PTPRN2: variants seen among roughly 807,000 people sequenced by gnomAD.
PTPRN2 encodes the protein protein tyrosine phosphatase receptor type N2.
A neutral mutation model predicts 118.8 loss-of-function variants in PTPRN2; 74 were observed. That is an observed-to-expected ratio of 0.62 (90% confidence interval 0.52 to 0.76). The LOEUF (loss-of-function observed/expected upper bound fraction) is 0.76. Ranked by LOEUF, PTPRN2 falls within the 30% of genes least tolerant of loss-of-function variation. The probability of loss-of-function intolerance (pLI) is 0.00; values close to 1 mark genes in which losing one functional copy is unlikely to be tolerated. For missense variants in PTPRN2, 1,481 were observed against 1,394.4 expected (o/e 1.06, Z -0.99); for synonymous variants, 641 against 608.0 (o/e 1.05, Z -0.80).
At chr7:158,416,761 A>C (rs752417260) in intron 2 of PTPRN2, among the ~76,000 whole-genome samples, 7 of 152,214 alleles carry the variant, frequency 4.6e-5, no homozygotes, top group Non-Finnish European at 1.0e-4. Context: ...GAACCTAAGG[A>C]AGGCAACTCA....
At chr7:158,149,059 ATG>A (rs1820574284) in intron 6 of PTPRN2, among the ~76,000 whole-genome samples, 1 of 124,332 alleles carries the variant, frequency 8.0e-6, no homozygotes, top group South Asian at 2.6e-4. Context: ...ACCCCATCTC[ATG>A]CCACGTGTCA....
At chr7:158,307,361 C>A (rs1219769894) in intron 3 of PTPRN2, among the ~76,000 whole-genome samples, 3 of 151,880 alleles carry the variant, frequency 2.0e-5, no homozygotes, top group African/African-American at 7.3e-5. Context: ...AATCAGCAAA[C>A]TTCAGGATAG....
chr7:157,751,412 T>G (rs1217974143), intron 12 of PTPRN2, among the ~76,000 whole-genome samples: 1 of 152,144 alleles, frequency 6.6e-6, no homozygotes, highest in African/African-American at 2.4e-5. Flanking sequence ...TTAAATTAAA[T>G]GTCAGATGTA....
chr7:157,630,029 C>T (rs184288685), intron 14 of PTPRN2, among the ~76,000 whole-genome samples: 8 of 152,172 alleles, frequency 5.3e-5, no homozygotes, highest in East Asian at 1.9e-4. Flanking sequence ...AATACATGAA[C>T]GGGAAATATT....
chr7:158,198,730 T>C (rs1049339064), intron 4 of PTPRN2, among the ~76,000 whole-genome samples: 1 of 137,904 alleles, frequency 7.3e-6, no homozygotes, highest in African/African-American at 2.7e-5. Flanking sequence ...TCCTTAGCCC[T>C]TAGCATGTTC....
intron 11 of PTPRN2, among the ~76,000 whole-genome samples, chr7:158,074,828 C>T (rs759536825): frequency 2.0e-5 from 3 of 152,202 alleles, no homozygotes; most frequent in Non-Finnish European, 4.4e-5. Context: ...CGTTCATTTG[C>T]AGGTGAGAAC....
chr7:158,098,014 A>G (rs1211603838), intron 10 of PTPRN2, among the ~76,000 whole-genome samples: 4 of 151,938 alleles, frequency 2.6e-5, no homozygotes, highest in African/African-American at 4.8e-5. Context: ...CGAGACACCA[A>G]CGAGGCACAG....
chr7:158,516,016 C>T (rs1823530001), intron 1 of PTPRN2, among the ~76,000 whole-genome samples: 1 of 152,222 alleles, frequency 6.6e-6, no homozygotes, highest in Non-Finnish European at 1.5e-5. Flanking sequence ...TCCCCACCTA[C>T]CATGATATCC....
At chr7:157,675,907 C>T (rs1363105697) in intron 13 of PTPRN2, among the ~76,000 whole-genome samples, 3 of 152,134 alleles carry the variant, frequency 2.0e-5, no homozygotes, top group Non-Finnish European at 4.4e-5. Flanking sequence ...ATGAATTTCA[C>T]CATTGGAGAA....
intron 3 of PTPRN2, among the ~76,000 whole-genome samples, chr7:158,301,595 C>A (rs1274498428): frequency 6.6e-6 from 1 of 152,196 alleles, no homozygotes; most frequent in African/African-American, 2.4e-5. Flanking sequence ...TACTGATAAG[C>A]AAAGTGCATT....
intron 11 of PTPRN2, among the ~76,000 whole-genome samples, chr7:157,976,199 C>T (rs886755047): frequency 1.3e-5 from 2 of 152,246 alleles, no homozygotes; most frequent in African/African-American, 4.8e-5. Context: ...TATCAGCAAA[C>T]GAATCTTCCC....
chr7:157,982,187 A>T (rs753618940), intron 11 of PTPRN2, among the ~76,000 whole-genome samples: 2 of 96,614 alleles, frequency 2.1e-5, no homozygotes, highest in East Asian at 7.2e-4. Flanking sequence ...TGCAGAGTGC[A>T]GGGTCCCCCC....
At chr7:157,712,332 G>A (rs182060291) in intron 12 of PTPRN2, among the ~76,000 whole-genome samples, 87 of 152,336 alleles carry the variant, frequency 5.7e-4, no homozygotes, top group Admixed American at 1.5e-3. Flanking sequence ...GATATGTTGA[G>A]TCTTAACCCC....
chr7:157,673,125 G>T (rs2150785043), intron 13 of PTPRN2, among the ~76,000 whole-genome samples: 1 of 152,270 alleles, frequency 6.6e-6, no homozygotes, highest in East Asian at 1.9e-4. Context: ...CCAGGTTCAA[G>T]CAATTTTCCT....
At chr7:158,098,354 C>T (rs1364194676) in intron 10 of PTPRN2, among the ~76,000 whole-genome samples, 3 of 152,314 alleles carry the variant, frequency 2.0e-5, no homozygotes, top group South Asian at 2.1e-4. Flanking sequence ...CCGAAGGCTC[C>T]GAGGGACGGG....
At chr7:158,009,173 C>T (rs79316124) in intron 11 of PTPRN2, among the ~76,000 whole-genome samples, 6 of 152,248 alleles carry the variant, frequency 3.9e-5, no homozygotes, top group East Asian at 1.9e-4. Flanking sequence ...TTCCCATGCA[C>T]AAGGCGACGC....
intron 12 of PTPRN2, among the ~76,000 whole-genome samples, chr7:157,804,643 A>G (rs73165861): frequency 0.09 from 13,775 of 152,236 alleles, 702 homozygotes; most frequent in Middle Eastern, 0.14. Flanking sequence ...GCACACACAT[A>G]CACACACTTG....
At position 157,964,191 on chromosome 7, in the gene PTPRN2, G is replaced by C. The variant is rs1165879319; in HGVS notation, c.1724-65454C>G. Among the ~76,000 whole-genome samples the C allele has an allele frequency of 6.6e-6, 1 of 152,084 alleles. No individual in the cohort carries two copies. Among genetic ancestry groups the C allele is most frequent in the Non-Finnish European group, 1.5e-5 (1 of 68,026 alleles). On this transcript the variant is annotated intron_variant, in intron 11 of 22. Transcript: ENST00000389418. This position sits in a 1 kb window ranked among gnomAD's most constrained non-coding sequence, Gnocchi z 9.0. ...CTGGGTGGGGTAGTGTTGAGTTCTG[G>C]TCCTGGTCCCACCGACCTGGGCTGG...
At chr7:157,860,150 C>T (rs1279280517) in intron 12 of PTPRN2, among the ~76,000 whole-genome samples, 2 of 152,236 alleles carry the variant, frequency 1.3e-5, no homozygotes, top group African/African-American at 4.8e-5. Context: ...ACTGGGGGAG[C>T]CTCGAGACTT....
Sources: allele counts gnomAD v4.1 joint callset (sites outside exome capture counted in the v4.1 genomes callset), GRCh38; gene constraint gnomAD v4.1.1; non-coding constraint Gnocchi (gnomAD v3.1); transcripts MANE v1.5; gene names NCBI Gene and HGNC (gene_info 2026-07-23, HGNC 2026-07-21).